RBM26: variants seen among roughly 807,000 people sequenced by gnomAD.
RBM26 encodes RNA-binding protein 26.
In RBM26, 30 loss-of-function variants were observed where a neutral mutation model predicts 123.6. The observed-to-expected ratio is 0.24, with a 90% confidence interval of 0.18 to 0.33. RBM26 has a LOEUF of 0.33. Ranked by LOEUF, RBM26 falls within the 10% of genes least tolerant of loss-of-function variation. The pLI is 1.00. For synonymous variants in RBM26, 400 were observed against 404.4 expected, an observed-to-expected ratio of 0.99 and a Z score of 0.13; for missense variants, 947 against 1,203.6, an observed-to-expected ratio of 0.79 and a Z score of 3.15.
chr13:79,361,239 T>C (rs956285550), intron 9 of RBM26, among the ~76,000 whole-genome samples: 13 of 152,130 alleles, frequency 8.5e-5, no homozygotes, highest in African/African-American at 3.1e-4. Flanking sequence ...TACCCACATA[T>C]GCCATACATA....
intron 20 of RBM26, among the ~76,000 whole-genome samples, chr13:79,325,766 T>C (rs1238620341): frequency 1.3e-5 from 2 of 152,168 alleles, no homozygotes; most frequent in East Asian, 3.8e-4. Flanking sequence ...AGTACGAGTT[T>C]ATAAAATACG....
At chr13:79,405,570 G>A (rs1334678900) in intron 1 of RBM26, 134 bp downstream of exon 1, 3 of 474,304 alleles carry the variant, frequency 6.3e-6, no homozygotes, top group Non-Finnish European at 1.1e-5. Context: ...ACGAGGAGGA[G>A]AAGCCACAGA....
chr13:79,379,105 C>A (rs113384066), intron 1 of RBM26, among the ~76,000 whole-genome samples, 198 bp from the exon 2 acceptor site: 4,120 of 152,126 alleles, frequency 0.027, 190 homozygotes, highest in African/African-American at 0.094. Flanking sequence ...CATTTTATTT[C>A]TTAAAAACAT....
chr13:79,405,870 C>T lies in RBM26; in HGVS notation c.-96G>A, dbSNP rs1356885667. The T allele has an allele frequency of 4.5e-6, 3 of 669,696 alleles. No individual in the cohort carries two copies. The highest frequency in any genetic ancestry group is 4.5e-5 in the Admixed American group (1 of 22,156). The allele number at this position is 669,696 out of a possible 1,614,324, so 41.5% of individuals were successfully genotyped here. On this transcript the variant is annotated 5_prime_UTR_variant, in exon 1 of 22. Transcript: ENST00000438737. ...CCCGCCCCCTCCTCCGCGCGCCGCC[C>T]GCGTGGGCCGCGGTGGGAGGCGCCG...
intron 1 of RBM26, among the ~76,000 whole-genome samples, chr13:79,398,802 T>G (rs952679747): frequency 5.9e-5 from 9 of 152,232 alleles, no homozygotes; most frequent in African/African-American, 1.9e-4. Flanking sequence ...AATCTTCAAA[T>G]AGCTCACATA....
intron 10 of RBM26, among the ~76,000 whole-genome samples, chr13:79,359,183 T>C (rs914521235): frequency 6.6e-5 from 10 of 152,140 alleles, no homozygotes; most frequent in East Asian, 1.9e-4. Context: ...ACAAAAGCCC[T>C]TTCTAGCTCC....
At chr13:79,370,489 T>C (rs12872328) in intron 5 of RBM26, among the ~76,000 whole-genome samples, 73,190 of 151,996 alleles carry the variant, frequency 0.48, 18,175 homozygotes, top group East Asian at 0.72. Flanking sequence ...CATTCACCTC[T>C]TGATGGACAT....
chr13:79,322,606 T>G, intron 20 of RBM26, 144 bp from the exon 21 acceptor site: 1 of 497,600 alleles, frequency 2.0e-6, no homozygotes, highest in African/African-American at 2.0e-5. Flanking sequence ...GATTATTTAC[T>G]ATTCAATTTA....
At chr13:79,316,902 T>C (rs2138251686), downstream of RBM26, among the ~76,000 whole-genome samples, 1 of 151,848 alleles carries the variant, frequency 6.6e-6, no homozygotes, top group African/African-American at 2.4e-5. Context: ...AGCCCAGCTC[T>C]GTACTAAAGC....
chr13:79,396,237 T>TAAGAA (rs3064591), intron 1 of RBM26, among the ~76,000 whole-genome samples: 2 of 152,014 alleles, frequency 1.3e-5, no homozygotes, highest in African/African-American at 4.8e-5. Flanking sequence ...GGTTCCACTT[T>TAAGAA]AAGAGGAAAA....
At chr13:79,325,142 G>T (rs749373007) in intron 20 of RBM26, among the ~76,000 whole-genome samples, 5 of 152,014 alleles carry the variant, frequency 3.3e-5, no homozygotes, top group Non-Finnish European at 7.4e-5. Flanking sequence ...AGTATGGCAC[G>T]CACAATTATG....
intron 14 of RBM26, among the ~76,000 whole-genome samples, chr13:79,349,486 CA>C (rs1393069651): frequency 6.6e-6 from 1 of 151,622 alleles, no homozygotes. Context: ...TAACAAACAT[CA>C]AAGTAAAAAA....
At chr13:79,346,706 C>T (rs1300992700) in intron 14 of RBM26, among the ~76,000 whole-genome samples, 1 of 152,214 alleles carries the variant, frequency 6.6e-6, no homozygotes, top group African/African-American at 2.4e-5. Flanking sequence ...TGTGGTCAGA[C>T]TTCAGTGACC....
At chr13:79,402,657 G>T (rs1205635394) in intron 1 of RBM26, among the ~76,000 whole-genome samples, 1 of 151,554 alleles carries the variant, frequency 6.6e-6, no homozygotes, top group Non-Finnish European at 1.5e-5. Context: ...CCATTTTTAG[G>T]ACCTCCATAC....
chr13:79,358,147 T>C (rs2074256014), intron 11 of RBM26, 127 bp downstream of exon 11: 5 of 788,222 alleles, frequency 6.3e-6, no homozygotes, highest in Non-Finnish European at 1.8e-6. Flanking sequence ...CCTCCCAAAG[T>C]GCTGGGATTA....
At chr13:79,353,059 AAG>A (rs2073480360) in intron 14 of RBM26, 92 bp downstream of exon 14, 1 of 647,146 alleles carries the variant, frequency 1.5e-6, no homozygotes, top group Non-Finnish European at 2.6e-6. Flanking sequence ...ATTAAGAAGC[AAG>A]AGTTTAGAAC....
chr13:79,311,976 A>G (rs1204030769), exon 5 of RBM26: 1 of 152,036 alleles, frequency 6.6e-6, no homozygotes, highest in Admixed American at 6.6e-5. Flanking sequence ...TAAGCATACA[A>G]GAGTAGTATT....
chr13:79,325,092 T>C (rs2068169521), intron 20 of RBM26, among the ~76,000 whole-genome samples: 1 of 152,150 alleles, frequency 6.6e-6, no homozygotes, highest in East Asian at 1.9e-4. Context: ...GTGATACTGG[T>C]GTAAACAAAC....
chr13:79,338,153 A>G (rs1005037306), intron 18 of RBM26, among the ~76,000 whole-genome samples: 70 of 152,332 alleles, frequency 4.6e-4, no homozygotes, highest in African/African-American at 1.6e-3. Context: ...CAGAGGTTGC[A>G]GCGAGCCGAG....
Sources: gnomAD v4.1 joint callset for allele counts (sites outside exome capture counted in the v4.1 genomes callset) on GRCh38, gnomAD v4.1.1 for gene constraint, MANE v1.5 for transcripts, NCBI Gene and HGNC (gene_info 2026-07-23, HGNC 2026-07-21) for gene names.